NPAS3: variants seen among roughly 807,000 people sequenced by gnomAD.
NPAS3 encodes neuronal PAS domain protein 3, also known as neuronal PAS domain-containing protein 3.
A neutral mutation model predicts 73.1 loss-of-function variants in NPAS3; 14 were observed. The ratio of observed to expected loss-of-function variants is 0.19; its 90% CI spans 0.13 to 0.30. NPAS3 has a LOEUF of 0.30. Among genes scored for constraint, NPAS3 ranks in the 10% least tolerant of loss-of-function variants. The pLI, the probability that NPAS3 is intolerant of heterozygous loss-of-function variation, is 1.00. For synonymous variants in NPAS3, 620 were observed against 541.5 expected, an observed-to-expected ratio of 1.14 and a Z score of -2.01; for missense variants, 1,096 against 1,250.0, an observed-to-expected ratio of 0.88 and a Z score of 1.86.
At chr14:33,648,267 A>G (rs974847645) in intron 5 of NPAS3, among the ~76,000 whole-genome samples, 1 of 152,188 alleles carries the variant, frequency 6.6e-6, no homozygotes, top group Middle Eastern at 3.2e-3. Context: ...TGTGTTGTGA[A>G]TGTAAATCAT....
At chr14:33,580,929 G>A (rs1319179354) in intron 5 of NPAS3, among the ~76,000 whole-genome samples, 1 of 152,144 alleles carries the variant, frequency 6.6e-6, no homozygotes, top group East Asian at 1.9e-4. Flanking sequence ...ATCCATTTAT[G>A]CTTCTAAACC....
intron 3 of NPAS3, among the ~76,000 whole-genome samples, chr14:33,253,261 T>C (rs771049011): frequency 4.6e-5 from 7 of 152,132 alleles, no homozygotes; most frequent in Non-Finnish European, 1.0e-4. Context: ...TTCCCTTTTC[T>C]CCATGTCCAA....
chr14:32,966,028 A>T (rs1014796357), intron 1 of NPAS3, among the ~76,000 whole-genome samples: 2 of 152,178 alleles, frequency 1.3e-5, no homozygotes, highest in Non-Finnish European at 2.9e-5. Context: ...AAACTATAAA[A>T]CATTGATGAA....
At chr14:33,342,002 C>G (rs1387819063) in intron 3 of NPAS3, among the ~76,000 whole-genome samples, 1 of 152,122 alleles carries the variant, frequency 6.6e-6, no homozygotes, top group African/African-American at 2.4e-5. Context: ...TCACGATGCC[C>G]TGGGAGACAA....
intron 4 of NPAS3, among the ~76,000 whole-genome samples, chr14:33,417,528 G>C (rs998389601): frequency 5.3e-5 from 8 of 151,992 alleles, no homozygotes; most frequent in African/African-American, 1.9e-4. Flanking sequence ...ATGTCCTATT[G>C]AAGTGTTAGA....
At chr14:33,301,513 T>A (rs1019527756) in intron 3 of NPAS3, among the ~76,000 whole-genome samples, 1 of 151,796 alleles carries the variant, frequency 6.6e-6, no homozygotes, top group Non-Finnish European at 1.5e-5. Context: ...CTTGTGAGCT[T>A]CTTTTCAGTG....
chr14:33,725,563 G>C (rs2061241646), intron 6 of NPAS3, among the ~76,000 whole-genome samples: 1 of 152,008 alleles, frequency 6.6e-6, no homozygotes, highest in Non-Finnish European at 1.5e-5. Flanking sequence ...AATATTCTCA[G>C]AATTCACCCT....
intron 4 of NPAS3, among the ~76,000 whole-genome samples, chr14:33,427,142 T>C (rs2048587331): frequency 6.6e-6 from 1 of 152,078 alleles, no homozygotes; most frequent in Non-Finnish European, 1.5e-5. Context: ...CTTAATGTAC[T>C]TGATAACTTG....
intron 2 of NPAS3, among the ~76,000 whole-genome samples, chr14:33,100,727 G>A (rs1315154780): frequency 1.3e-5 from 2 of 152,110 alleles, no homozygotes; most frequent in East Asian, 1.9e-4. Context: ...CCTGATCTAT[G>A]TTTTACAGTG....
At chr14:32,986,022 T>G (rs1462157768) in intron 1 of NPAS3, among the ~76,000 whole-genome samples, 1 of 151,968 alleles carries the variant, frequency 6.6e-6, no homozygotes, top group African/African-American at 2.4e-5. Context: ...GCCCTGAGAG[T>G]CCACATGGGC....
chr14:33,370,587 T>G (rs1307549358), intron 4 of NPAS3, among the ~76,000 whole-genome samples: 1 of 152,128 alleles, frequency 6.6e-6, no homozygotes, highest in Non-Finnish European at 1.5e-5. Context: ...AGAGAACAGT[T>G]TGGTTTATTT....
At chr14:33,331,614 C>T (rs2043990749) in intron 3 of NPAS3, among the ~76,000 whole-genome samples, 1 of 151,662 alleles carries the variant, frequency 6.6e-6, no homozygotes, top group African/African-American at 2.4e-5. Flanking sequence ...TTCTGGGACT[C>T]CTCTTTAATT....
chr14:33,762,511 C>A (rs1016344070), intron 7 of NPAS3, among the ~76,000 whole-genome samples: 5 of 152,134 alleles, frequency 3.3e-5, no homozygotes, highest in Non-Finnish European at 4.4e-5. Context: ...TTTTTAGAGT[C>A]AATCTTCCTG....
At chr14:33,774,236 T>G in intron 7 of NPAS3, 101 bp from the exon 8 acceptor site, 4 of 823,852 alleles carry the variant, frequency 4.9e-6, no homozygotes, top group Non-Finnish European at 7.8e-6. Flanking sequence ...TACAAGCTAA[T>G]GTTGGTTGTT....
chr14:33,241,317 T>C (rs1269654104), intron 3 of NPAS3, among the ~76,000 whole-genome samples: 1 of 151,948 alleles, frequency 6.6e-6, no homozygotes, highest in African/African-American at 2.4e-5. Flanking sequence ...TAAGATAAAT[T>C]CAACTGATTT....
chr14:33,555,848 G>A (rs1052566797), intron 4 of NPAS3, among the ~76,000 whole-genome samples: 1 of 151,752 alleles, frequency 6.6e-6, no homozygotes, highest in African/African-American at 2.4e-5. Context: ...AAAATGATAA[G>A]CATAAAAGTG....
intron 3 of NPAS3, among the ~76,000 whole-genome samples, chr14:33,241,491 C>A (rs2048212255): frequency 6.6e-6 from 1 of 151,898 alleles, no homozygotes; most frequent in Non-Finnish European, 1.5e-5. Flanking sequence ...TAATTTATAT[C>A]AGAGGTTCTG....
intron 2 of NPAS3, among the ~76,000 whole-genome samples, chr14:33,089,711 T>C (rs2042158658): frequency 6.6e-6 from 1 of 151,844 alleles, no homozygotes; most frequent in Non-Finnish European, 1.5e-5. Flanking sequence ...TTCACCAAAG[T>C]TGAAATGAGG....
chr14:33,466,728 AAG>A (rs1347783708), intron 4 of NPAS3, among the ~76,000 whole-genome samples: 2 of 152,088 alleles, frequency 1.3e-5, no homozygotes, highest in Non-Finnish European at 1.5e-5. Flanking sequence ...GAGCAGGAGG[AAG>A]AGAGGGAGGT....
Sources: allele counts gnomAD v4.1 joint callset (sites outside exome capture counted in the v4.1 genomes callset), GRCh38; gene constraint gnomAD v4.1.1; transcripts MANE v1.5; gene names NCBI Gene and HGNC (gene_info 2026-07-23, HGNC 2026-07-21).